The following ANKS1B variants were observed in gnomAD, a reference collection of about 807,000 sequenced individuals.
ANKS1B encodes the protein ankyrin repeat and sterile alpha motif domain-containing protein 1B.
In ANKS1B, 36 loss-of-function variants were observed where a neutral mutation model predicts 148.3. The ratio of observed to expected loss-of-function variants is 0.24; its 90% CI spans 0.19 to 0.32. The LOEUF is 0.32. Among genes scored for constraint, ANKS1B ranks in the 10% least tolerant of loss-of-function variants. The pLI, the probability that ANKS1B is intolerant of heterozygous loss-of-function variation, is 1.00. For synonymous variants in ANKS1B, 542 were observed against 560.8 expected (o/e 0.97, Z 0.47); for missense variants, 1,157 against 1,542.6 (o/e 0.75, Z 4.19).
chr12:99,011,714 T>A (rs2099939536), intron 17 of ANKS1B, among the ~76,000 whole-genome samples: 1 of 152,174 alleles, frequency 6.6e-6, no homozygotes, highest in Non-Finnish European at 1.5e-5. Flanking sequence ...AACAAAGGAC[T>A]TATAAGAAAA....
chr12:99,915,642 G>T (rs1377298772), intron 1 of ANKS1B, among the ~76,000 whole-genome samples: 1 of 152,218 alleles, frequency 6.6e-6, no homozygotes, highest in South Asian at 2.1e-4. Flanking sequence ...TTGACCTGCA[G>T]GGGTCTGTGG....
At chr12:99,564,438 AAAT>A (rs1050975021) in intron 9 of ANKS1B, among the ~76,000 whole-genome samples, 1 of 151,858 alleles carries the variant, frequency 6.6e-6, no homozygotes, top group Non-Finnish European at 1.5e-5. Context: ...TTTTTTATAA[AAAT>A]AAATGATAAA....
intron 9 of ANKS1B, among the ~76,000 whole-genome samples, chr12:99,521,586 G>A (rs1046313984): frequency 6.6e-6 from 1 of 152,174 alleles, no homozygotes; most frequent in Non-Finnish European, 1.5e-5. Context: ...CCCTAATGCT[G>A]TGGTTTTTGC....
chr12:99,218,735 G>A (rs1467128948), intron 14 of ANKS1B, among the ~76,000 whole-genome samples: 2 of 152,122 alleles, frequency 1.3e-5, no homozygotes, highest in Non-Finnish European at 2.9e-5. Flanking sequence ...TGTAAAGTGG[G>A]AGTAACACCT....
chr12:99,164,806 T>C (rs2077041944), intron 14 of ANKS1B, among the ~76,000 whole-genome samples: 1 of 152,112 alleles, frequency 6.6e-6, no homozygotes, highest in South Asian at 2.1e-4. Flanking sequence ...ATTACTAGAA[T>C]TTCCTCACAG....
rs1411233283 is a variant in ANKS1B, at chr12:99,056,047, A to G, written c.2626-2738T>C. Among the ~76,000 whole-genome samples, 3 of 152,174 alleles carry G rather than the reference A, an allele frequency of 2.0e-5. 1 individual carries two copies. The East Asian group carries it at 5.8e-4, about 29-fold the overall frequency. On this transcript the variant is annotated intron_variant, in intron 16 of 26. Coordinates refer to ENST00000683438, the MANE Select transcript of ANKS1B (RefSeq NM_001352186.2). Reference sequence around the variant, plus strand: ...GGAGGATGAAAGACAAGGGCAGGGTAGAGAGCACAACTGAAGAGACCTTGG... The same window carrying G: ...GGAGGATGAAAGACAAGGGCAGGGTGGAGAGCACAACTGAAGAGACCTTGG...
chr12:99,369,873 T>TAGAC (rs1488526801), intron 12 of ANKS1B, among the ~76,000 whole-genome samples: 2 of 151,710 alleles, frequency 1.3e-5, no homozygotes, highest in Non-Finnish European at 2.9e-5. Context: ...GATAGATAGA[T>TAGAC]AGATAGATAG....
At chr12:99,134,863 G>T (rs949607935) in intron 15 of ANKS1B, among the ~76,000 whole-genome samples, 2 of 151,610 alleles carry the variant, frequency 1.3e-5, no homozygotes, top group Non-Finnish European at 2.9e-5. Flanking sequence ...ACAAAACCTG[G>T]AAATTAAAAA....
At chr12:99,723,536 A>C (rs907271352) in intron 8 of ANKS1B, among the ~76,000 whole-genome samples, 1 of 152,160 alleles carries the variant, frequency 6.6e-6, no homozygotes, top group Non-Finnish European at 1.5e-5. Flanking sequence ...ACAGTCTCTG[A>C]GGACCAGCAG....
chr12:99,735,719 C>T (rs764677707), intron 8 of ANKS1B, among the ~76,000 whole-genome samples: 1 of 148,260 alleles, frequency 6.7e-6, no homozygotes, highest in Non-Finnish European at 1.5e-5. Context: ...TCAAACTATT[C>T]CAAAAAAATA....
intron 10 of ANKS1B, among the ~76,000 whole-genome samples, chr12:99,499,453 GA>G (rs1255700042): frequency 1.3e-5 from 2 of 152,140 alleles, no homozygotes; most frequent in Non-Finnish European, 2.9e-5. Context: ...TATATTTTCT[GA>G]AAGTGGCTGC....
intron 14 of ANKS1B, among the ~76,000 whole-genome samples, chr12:99,181,099 G>A (rs2079060010): frequency 6.6e-6 from 1 of 152,122 alleles, no homozygotes; most frequent in African/African-American, 2.4e-5. Flanking sequence ...AGCTTTCCTT[G>A]GGTTTGTGGG....
At chr12:99,708,497 G>A (rs559674260) in intron 8 of ANKS1B, among the ~76,000 whole-genome samples, 54 of 152,208 alleles carry the variant, frequency 3.5e-4, no homozygotes, top group African/African-American at 1.1e-3. Context: ...AAGTCAAGGT[G>A]CCACAAGGGC....
intron 12 of ANKS1B, among the ~76,000 whole-genome samples, chr12:99,360,149 T>C (rs1271989969): frequency 2.6e-5 from 4 of 152,176 alleles, no homozygotes; most frequent in Non-Finnish European, 4.4e-5. Flanking sequence ...ATTAACTGAC[T>C]GGCAGCAAAA....
intron 9 of ANKS1B, among the ~76,000 whole-genome samples, chr12:99,565,108 T>C (rs938780478): frequency 6.6e-6 from 1 of 152,216 alleles, no homozygotes; most frequent in African/African-American, 2.4e-5. Flanking sequence ...AATTAATCCC[T>C]GTATTATTTC....
At chr12:98,760,042 A>G (rs1327316735) in intron 25 of ANKS1B, among the ~76,000 whole-genome samples, 2 of 152,238 alleles carry the variant, frequency 1.3e-5, no homozygotes, top group Non-Finnish European at 2.9e-5. Context: ...AAATATATGT[A>G]TACATATACA....
At position 99,279,779 on chromosome 12, in the gene ANKS1B, C is replaced by T. The variant is rs139424823; in HGVS notation, c.1757-32915G>A. ...CTGTAATCCTAGCACTTTGGGAGGC[C>T]AAGGTGGGTGGATCACTTGAACCCA... On this transcript the variant is annotated intron_variant, in intron 12 of 26. Transcript: ENST00000683438. 6.7e-3 allele frequency among the ~76,000 whole-genome samples: 1,024 copies of T among 152,008 alleles called. 16 individuals are homozygous for T. The highest frequency in any genetic ancestry group is 0.023 in the African/African-American group (945 of 41,458).
chr12:99,718,474 G>A (rs891727558), intron 8 of ANKS1B, among the ~76,000 whole-genome samples: 5 of 151,952 alleles, frequency 3.3e-5, no homozygotes, highest in African/African-American at 7.3e-5. Flanking sequence ...CTCTTACCCC[G>A]CTCAATGCCG....
downstream of ANKS1B, among the ~76,000 whole-genome samples, chr12:98,742,694 G>T (rs1254861814): frequency 5.3e-5 from 8 of 152,260 alleles, no homozygotes; most frequent in African/African-American, 1.7e-4. Flanking sequence ...CATGGTGATG[G>T]TCAAAAGGCC....
Sources: allele counts gnomAD v4.1 joint callset (sites outside exome capture counted in the v4.1 genomes callset), GRCh38; gene constraint gnomAD v4.1.1; transcripts MANE v1.5; gene names NCBI Gene and HGNC (gene_info 2026-07-23, HGNC 2026-07-21).